The following ACTN3 variants were observed in gnomAD, a reference collection of about 807,000 sequenced individuals.
ACTN3 encodes actinin alpha 3.
In ACTN3, 91 loss-of-function variants were observed where a neutral mutation model predicts 119.6. The observed-to-expected ratio is 0.76, with a 90% CI of 0.64 to 0.91. The LOEUF (loss-of-function observed/expected upper bound fraction) is 0.91. ACTN3 is among the 40% of genes least tolerant of loss of function. The probability of loss-of-function intolerance (pLI) is 0.00; values close to 1 mark genes in which losing one functional copy is unlikely to be tolerated. For missense variants in ACTN3, 1,221 were observed against 1,215.1 expected (o/e 1.00, Z -0.07); for synonymous variants, 456 against 478.8 (o/e 0.95, Z 0.62).
rs1358127373 is a variant in ACTN3, at chr11:66,562,179, G to C, written c.2322+11G>C. ...AACCACTTTGACAGGGTCAGCAGGGGCCTGGCCCTGTGGGGTAAGACACTT... is the reference window on the plus strand; with the variant it reads ...AACCACTTTGACAGGGTCAGCAGGGCCCTGGCCCTGTGGGGTAAGACACTT... On this transcript the variant is annotated intron_variant, in intron 18 of 20. Coordinates refer to ENST00000513398, the MANE Select transcript of ACTN3 (RefSeq NM_001104.4). 1 of 1,613,936 alleles carries C rather than the reference G, an allele frequency of 6.2e-7. No individual in the cohort carries two copies. The highest frequency in any genetic ancestry group is 8.5e-7 in the Non-Finnish European group (1 of 1,179,880).
chr11:66,559,975 G>C lies in ACTN3; in HGVS notation c.1435G>C (p.Asp479His), dbSNP rs756312504. The C allele has an allele frequency of 5.9e-5, 94 of 1,595,474 alleles. 1 individual carries two copies. In the Admixed American group the frequency reaches 1.6e-3, roughly 27 times the overall value. ...CCTACTTCTCGCTCCCAGTGAGCTGGACTACCACGAGGCAGCCTCAGTGAA... is the reference window on the plus strand; with the variant it reads ...CCTACTTCTCGCTCCCAGTGAGCTGCACTACCACGAGGCAGCCTCAGTGAA... Reference protein sequence around the residue: ...AALAQELNELDYHEAASVNSR... With the variant: ...AALAQELNELHYHEAASVNSR... The change falls in exon 13 of 21, where the codon GAC (aspartate) becomes CAC (histidine). Residue 479 changes from aspartate to histidine, a missense_variant. Transcript: ENST00000513398.
intron 11 of ACTN3, 72 bp from the exon 12 acceptor site, chr11:66,559,162 ATG>A (rs923571632): frequency 1.0e-4 from 142 of 1,393,808 alleles, no homozygotes; most frequent in Non-Finnish European, 1.3e-4. Flanking sequence ...ATGAGGCTTC[ATG>A]GTCACGCAGC....
intron 3 of ACTN3, among the ~76,000 whole-genome samples, chr11:66,552,397 A>G (rs1439290432): frequency 1.3e-5 from 2 of 151,770 alleles, no homozygotes; most frequent in African/African-American, 4.8e-5. Context: ...AAAAGCCAAT[A>G]TACCCAAAGT....
At chr11:66,556,760 G>GTGTTT (rs10647726) in intron 8 of ACTN3, among the ~76,000 whole-genome samples, 128,700 of 151,242 alleles carry the variant, frequency 0.85, 54,861 homozygotes, top group Admixed American at 0.9. Context: ...TTGTTTGTTT[G>GTGTTT]TGTTTTGTTT....
chr11:66,552,851 G>GTCTC (rs564902238), intron 3 of ACTN3, among the ~76,000 whole-genome samples: 2,351 of 131,126 alleles, frequency 0.018, 29 homozygotes, highest in Middle Eastern at 0.048. Flanking sequence ...GAGAGACTCT[G>GTCTC]TCTCTCTCTC....
chr11:66,554,121 C>T lies in ACTN3; in HGVS notation c.459C>T (p.Ile153=), dbSNP rs752331717. ...TIILRFAIQD[I]SVEETSAKEG... Reference sequence around the variant, plus strand: ...TCCTTCGCTTCGCCATCCAGGACATCTCTGTGGAAGGTGAGCAATGGGAAA... The same window carrying T: ...TCCTTCGCTTCGCCATCCAGGACATTTCTGTGGAAGGTGAGCAATGGGAAA... Residue 153 remains isoleucine, a synonymous_variant, in exon 4 of 21, where the codon ATC becomes ATT. Coordinates refer to ENST00000513398, the MANE Select transcript of ACTN3 (RefSeq NM_001104.4). 3 of 1,613,758 alleles carry T rather than the reference C, an allele frequency of 1.9e-6. 1 individual carries two copies. In the East Asian group the frequency reaches 6.7e-5, roughly 36 times the overall value.
upstream of ACTN3, chr11:66,546,868 G>A (rs1363131698): frequency 4.0e-5 from 60 of 1,509,586 alleles, no homozygotes; most frequent in Non-Finnish European, 4.9e-5. Flanking sequence ...GGGCTGGGCT[G>A]GGCCCTACTT....
intron 9 of ACTN3, 125 bp downstream of exon 9, chr11:66,557,350 C>A: frequency 1.1e-6 from 1 of 882,224 alleles, no homozygotes; most frequent in Non-Finnish European, 1.8e-6. Context: ...TCCTCCCAGC[C>A]TCCTCCTGTC....
intron 19 of ACTN3, 35 bp from the exon 20 acceptor site, chr11:66,562,761 C>G (rs1857812208): frequency 6.4e-7 from 1 of 1,569,504 alleles, no homozygotes; most frequent in Non-Finnish European, 8.7e-7. Flanking sequence ...GGCTTTAGTG[C>G]TCATGGGCAT....
chr11:66,554,194 T>C, intron 4 of ACTN3, 63 bp downstream of exon 4: 1 of 1,491,474 alleles, frequency 6.7e-7, no homozygotes, highest in Non-Finnish European at 9.3e-7. Flanking sequence ...TCCCCACAGT[T>C]TGGGAGGTCG....
chr11:66,558,248 T>C, intron 11 of ACTN3, 74 bp downstream of exon 11: 1 of 1,579,124 alleles, frequency 6.3e-7, no homozygotes. Context: ...GGAGGGGAGG[T>C]TCTTGGCAAA....
chr11:66,559,757 A>C (rs1590810269), intron 12 of ACTN3, among the ~76,000 whole-genome samples: 1 of 70,276 alleles, frequency 1.4e-5, no homozygotes. Context: ...AAGCACCTCC[A>C]TGGACTGCAG....
At chr11:66,555,020 T>C in intron 5 of ACTN3, 110 bp from the exon 6 acceptor site, 1 of 956,860 alleles carries the variant, frequency 1.0e-6, no homozygotes, top group South Asian at 1.4e-5. Flanking sequence ...GATTTGTACT[T>C]TACTCCATTT....
rs778095175 is a variant in ACTN3 at position 66,557,691 on chromosome 11, C to G, written c.898-8C>G. 5 of 1,605,230 alleles carry G rather than the reference C, an allele frequency of 3.1e-6. No homozygotes were observed. In the East Asian group the frequency reaches 9.0e-5, roughly 29 times the overall value. On this transcript the variant is annotated splice_region_variant and splice_polypyrimidine_tract_variant and intron_variant, in intron 9 of 20. Coordinates refer to ENST00000513398, the MANE Select transcript of ACTN3 (RefSeq NM_001104.4). ...GCTGTCTGCCTTGCCCCTGCCTGGC[C>G]CTGTCAGCTGCTGGAGTGGATCCGC...
rs116592366 is a variant in ACTN3, at chr11:66,555,263, C to G, written c.637-23C>G. The G allele has an allele frequency of 4.3e-3, 6,937 of 1,614,010 alleles. 28 individuals carry two copies. Among genetic ancestry groups the G allele is most frequent in the Non-Finnish European group, 4.8e-3 (5,606 of 1,179,906 alleles). On this transcript the variant is annotated intron_variant, in intron 6 of 20. Transcript: ENST00000513398. Reference sequence around the variant, plus strand: ...CCTCTGCCTGCAGCTGACCTTTCACCCTCCTCCCTTACACCCTTCTAGGAT... The same window carrying G: ...CCTCTGCCTGCAGCTGACCTTTCACGCTCCTCCCTTACACCCTTCTAGGAT...
intron 2 of ACTN3, 79 bp from the exon 3 acceptor site, chr11:66,551,449 G>A (rs1341250684): frequency 6.4e-7 from 1 of 1,569,882 alleles, no homozygotes; most frequent in East Asian, 2.4e-5. Context: ...GGGACTTGGT[G>A]GGGAGGGGAG....
Position 66,555,226 on chromosome 11 carries a change from C to A in ACTN3, c.636+18C>A, listed in dbSNP as rs1857566121. 6.2e-7 allele frequency: 1 copy of A among 1,613,888 alleles called. No individual in the cohort carries two copies. The highest frequency in any genetic ancestry group is 1.3e-5 in the African/African-American group (1 of 74,896). On this transcript the variant is annotated intron_variant, in intron 6 of 20. Transcript: ENST00000513398. ...TGCGAAAGGTAGAGGCCCCCACCAC[C>A]CCAGCCCAAGGCCTCTGCCTGCAGC...
At chr11:66,555,781 A>G (rs1326520751) in intron 7 of ACTN3, among the ~76,000 whole-genome samples, 1 of 152,198 alleles carries the variant, frequency 6.6e-6, no homozygotes, top group Non-Finnish European at 1.5e-5. Flanking sequence ...GCTGGAGAAG[A>G]ACTTTTTCTT....
At chr11:66,546,441 T>C, upstream of ACTN3, 1 of 1,228,198 alleles carries the variant, frequency 8.1e-7, no homozygotes, top group Non-Finnish European at 1.1e-6. Context: ...CCGTTCCCCA[T>C]GCCCGGGTGT....
Sources: gnomAD v4.1 joint callset for allele counts (sites outside exome capture counted in the v4.1 genomes callset) on GRCh38, gnomAD v4.1.1 for gene constraint, MANE v1.5 for transcripts, NCBI Gene and HGNC (gene_info 2026-07-23, HGNC 2026-07-21) for gene names.